Variants in RAP1GAP2 observed in about 807,000 individuals in gnomAD.
RAP1GAP2 encodes the protein RAP1 GTPase activating protein 2.
A neutral mutation model predicts 95.0 loss-of-function variants in RAP1GAP2; 27 were observed. The observed-to-expected ratio is 0.28, with a 90% CI of 0.21 to 0.39. The LOEUF (loss-of-function observed/expected upper bound fraction) is 0.39. Among genes scored for constraint, RAP1GAP2 ranks in the 10% least tolerant of loss-of-function variants. The probability of loss-of-function intolerance (pLI) is 1.00; values close to 1 mark genes in which losing one functional copy is unlikely to be tolerated. For synonymous variants in RAP1GAP2, 373 were observed against 380.9 expected, an observed-to-expected ratio of 0.98 and a Z score of 0.24; for missense variants, 771 against 970.0, an observed-to-expected ratio of 0.79 and a Z score of 2.72.
At position 3,005,385 on chromosome 17, in the gene RAP1GAP2, G is replaced by A. The variant is rs376115625; in HGVS notation, c.1217G>A (p.Arg406Gln). 3.7e-6 allele frequency: 6 copies of A among 1,613,740 alleles called. No homozygotes were observed. The highest frequency in any genetic ancestry group is 3.3e-5 in the Admixed American group (2 of 59,996). Residue 406 changes from arginine to glutamine, a missense_variant, in exon 15 of 25, where the codon CGG (arginine) becomes CAG (glutamine). Transcript: ENST00000254695. The surrounding 1 kb of genome is among the most constrained non-coding windows in gnomAD (Gnocchi z 5.2). ...TTCACTCAGGTCTCTGTCACTGCGCGGGAAGATGTGCCCACCTTTGGTCCA... is the reference window on the plus strand; with the variant it reads ...TTCACTCAGGTCTCTGTCACTGCGCAGGAAGATGTGCCCACCTTTGGTCCA... Reference protein sequence around the residue: ...TPSYKVSVTAREDVPTFGPPL... With the variant: ...TPSYKVSVTAQEDVPTFGPPL...
chr17:2,998,386 A>G lies in RAP1GAP2; in HGVS notation c.1200+10A>G, dbSNP rs1434367891. On this transcript the variant is annotated intron_variant, in intron 14 of 24. Transcript: ENST00000254695. ...GACCCCATCCTACAAGGTAAGGAGAACGCCTTGTTGGAGGGAGTGGTGGGC... is the reference window on the plus strand; with the variant it reads ...GACCCCATCCTACAAGGTAAGGAGAGCGCCTTGTTGGAGGGAGTGGTGGGC... The G allele has an allele frequency of 1.2e-6, 2 of 1,613,178 alleles. No homozygotes were observed. Among genetic ancestry groups the G allele is most frequent in the Admixed American group, 3.3e-5 (2 of 59,990 alleles).
chr17:2,771,034 G>T (rs12951734), intron 2 of RAP1GAP2, among the ~76,000 whole-genome samples: 1 of 152,030 alleles, frequency 6.6e-6, no homozygotes, highest in Non-Finnish European at 1.5e-5. Flanking sequence ...GCAACAGAGG[G>T]AGACTCTGTT....
At chr17:2,863,570 C>CT (rs2072497644) in intron 2 of RAP1GAP2, among the ~76,000 whole-genome samples, 1 of 152,184 alleles carries the variant, frequency 6.6e-6, no homozygotes, top group African/African-American at 2.4e-5. Context: ...CCTCTTCTGC[C>CT]TTTTTCTCTT....
intron 18 of RAP1GAP2, 110 bp downstream of exon 18, chr17:3,018,308 C>T (rs1037378245): frequency 4.4e-6 from 6 of 1,372,604 alleles, no homozygotes; most frequent in Admixed American, 5.8e-5. Flanking sequence ...TTGATCAGGG[C>T]AAGCTGGATG....
chr17:2,896,299 A>G (rs944168791), intron 2 of RAP1GAP2, among the ~76,000 whole-genome samples: 2 of 152,148 alleles, frequency 1.3e-5, no homozygotes, highest in Non-Finnish European at 2.9e-5. Context: ...ACGCTGAGAC[A>G]CTACCCTTGG....
At chr17:2,823,523 T>C (rs1416961740) in intron 2 of RAP1GAP2, among the ~76,000 whole-genome samples, 3 of 152,188 alleles carry the variant, frequency 2.0e-5, no homozygotes, top group African/African-American at 7.2e-5. Flanking sequence ...GTATTGAGCA[T>C]ACACTATCGT....
chr17:2,963,968 G>A lies in RAP1GAP2; in HGVS notation c.392G>A (p.Cys131Tyr), dbSNP rs753499042. Residue 131 changes from cysteine (C) to tyrosine (Y), a missense_variant, in exon 7 of 25, where the codon TGT (cysteine) becomes TAT (tyrosine). Transcript: ENST00000254695. The surrounding 1 kb of genome is among the most constrained non-coding windows in gnomAD (Gnocchi z 4.8). Reference sequence around the variant, plus strand: ...CCAACATCGCTGGGGAGCAGCATCTGTGAGGAGGAGGAAGAGGACAACCTC... The same window carrying A: ...CCAACATCGCTGGGGAGCAGCATCTATGAGGAGGAGGAAGAGGACAACCTC... ...GTPTSLGSSICEEEEEDNLSP... is the reference protein window; with the variant it reads ...GTPTSLGSSIYEEEEEDNLSP... 3 of 1,613,208 alleles carry A rather than the reference G, an allele frequency of 1.9e-6. No individual in the cohort carries two copies. The highest frequency in any genetic ancestry group is 1.1e-5 in the South Asian group (1 of 91,056).
At chr17:2,879,753 T>A (rs138239774) in intron 2 of RAP1GAP2, among the ~76,000 whole-genome samples, 1 of 151,838 alleles carries the variant, frequency 6.6e-6, no homozygotes, top group Non-Finnish European at 1.5e-5. Context: ...AGTCCCTGCT[T>A]CCTGTTGGGT....
intron 2 of RAP1GAP2, among the ~76,000 whole-genome samples, chr17:2,823,297 C>T (rs1398848037): frequency 6.6e-6 from 1 of 152,090 alleles, no homozygotes; most frequent in Admixed American, 6.6e-5. Context: ...TTTGGTCTCC[C>T]ACCCCGGGGC....
chr17:2,799,952 G>A (rs995208360), intron 1 of RAP1GAP2, among the ~76,000 whole-genome samples: 1 of 152,192 alleles, frequency 6.6e-6, no homozygotes, highest in African/African-American at 2.4e-5. Context: ...CTGAACCTCT[G>A]TGCCTGATAC....
chr17:3,027,779 G>A lies in RAP1GAP2; in HGVS notation c.2107+709G>A, dbSNP rs1380643282. 1.3e-4 allele frequency among the ~76,000 whole-genome samples: 20 copies of A among 149,716 alleles called. No individual in the cohort carries two copies. Among genetic ancestry groups the A allele is most frequent in the African/African-American group, 4.9e-4 (20 of 40,686 alleles). On this transcript the variant is annotated intron_variant, in intron 22 of 24. Transcript: ENST00000254695. This position sits in a 1 kb window ranked among gnomAD's most constrained non-coding sequence, Gnocchi z 5.2. ...TAGTAGAGAGCAGGAGCAGAGGGGA[G>A]GGATGGAGGGGAGGGGAGAGGAGGG...
At chr17:2,875,118 G>A (rs1169434736) in intron 2 of RAP1GAP2, among the ~76,000 whole-genome samples, 2 of 152,172 alleles carry the variant, frequency 1.3e-5, no homozygotes, top group Non-Finnish European at 2.9e-5. Context: ...CCAGGCTAGA[G>A]TGCAATGGTG....
At chr17:2,922,359 A>G (rs1012570853) in intron 3 of RAP1GAP2, among the ~76,000 whole-genome samples, 3 of 152,208 alleles carry the variant, frequency 2.0e-5, no homozygotes, top group African/African-American at 7.2e-5. Context: ...ATGTACATTC[A>G]GACTGCAGCA....
At chr17:2,787,478 A>G (rs2068814280) in intron 1 of RAP1GAP2, among the ~76,000 whole-genome samples, 1 of 151,028 alleles carries the variant, frequency 6.6e-6, no homozygotes, top group South Asian at 2.1e-4. Flanking sequence ...CTGGTCACAA[A>G]CTCCTGGGCT....
At chr17:2,961,504 G>T (rs2044324042) in intron 4 of RAP1GAP2, among the ~76,000 whole-genome samples, 1 of 151,888 alleles carries the variant, frequency 6.6e-6, no homozygotes, top group Non-Finnish European at 1.5e-5. Context: ...AATAGAGAGA[G>T]ACTCCGTCTC....
intron 1 of RAP1GAP2, among the ~76,000 whole-genome samples, chr17:2,759,470 G>T (rs1178181200): frequency 1.3e-5 from 2 of 151,894 alleles, no homozygotes; most frequent in African/African-American, 4.8e-5. Flanking sequence ...TATTTTTTGA[G>T]ACAGAGTCTC....
intron 21 of RAP1GAP2, 88 bp downstream of exon 21, chr17:3,026,552 G>A: frequency 9.2e-7 from 1 of 1,091,544 alleles, no homozygotes; most frequent in South Asian, 1.6e-5. Flanking sequence ...GTGGATCGAA[G>A]CCCATGTCAG....
At chr17:2,978,987 GATAA>G (rs1225844265) in intron 8 of RAP1GAP2, among the ~76,000 whole-genome samples, 7 of 133,052 alleles carry the variant, frequency 5.3e-5, no homozygotes, top group African/African-American at 1.7e-4. Context: ...GTCTCAAATA[GATAA>G]ATAAATAAAA....
At position 2,866,516 on chromosome 17, in the gene RAP1GAP2, G is replaced by A. The variant is rs532750371; in HGVS notation, c.81-38768G>A. Among the ~76,000 whole-genome samples the A allele has an allele frequency of 2.0e-5, 3 of 152,352 alleles. No individual in the cohort carries two copies. Among genetic ancestry groups the A allele is most frequent in the South Asian group, 2.1e-4 (1 of 4,826 alleles). On this transcript the variant is annotated intron_variant, in intron 2 of 24. Coordinates refer to ENST00000254695, the MANE Select transcript of RAP1GAP2 (RefSeq NM_015085.5). The surrounding 1 kb of genome is among the most constrained non-coding windows in gnomAD (Gnocchi z 4.0). ...GTGATTTTTATTAAATAGAGGTTTG[G>A]GGCCCAAGGGCCTTTGTGTTGGTGA...
Sources: gnomAD v4.1 joint callset for allele counts (sites outside exome capture counted in the v4.1 genomes callset) on GRCh38, gnomAD v4.1.1 for gene constraint, Gnocchi (gnomAD v3.1) non-coding constraint, MANE v1.5 for transcripts, NCBI Gene and HGNC (gene_info 2026-07-23, HGNC 2026-07-21) for gene names.